The following SOX6 variants were observed in gnomAD, a reference collection of about 807,000 sequenced individuals.
SOX6 encodes transcription factor SOX-6.
In SOX6, 11 loss-of-function variants were observed where a neutral mutation model predicts 97.8. The ratio of observed to expected loss-of-function variants is 0.11; its 90% CI spans 0.07 to 0.19. The LOEUF (loss-of-function observed/expected upper bound fraction) is 0.19. Among genes scored for constraint, SOX6 ranks in the 10% least tolerant of loss-of-function variants. SOX6 has a pLI of 1.00. For missense variants in SOX6, 810 were observed against 1,039.5 expected, an observed-to-expected ratio of 0.78 and a Z score of 3.04; for synonymous variants, 360 against 371.4, an observed-to-expected ratio of 0.97 and a Z score of 0.35.
chr11:16,143,359 C>T (rs1850199685), intron 6 of SOX6, among the ~76,000 whole-genome samples: 2 of 152,158 alleles, frequency 1.3e-5, no homozygotes, highest in African/African-American at 2.4e-5. Context: ...AAGCACTAAA[C>T]ATGGAAAGGA....
intron 12 of SOX6, among the ~76,000 whole-genome samples, chr11:16,043,664 A>G (rs1021241351): frequency 2.6e-5 from 4 of 152,132 alleles, no homozygotes; most frequent in African/African-American, 9.7e-5. Context: ...ATATACAAAG[A>G]CTGTCTTGTA....
At chr11:16,501,131 A>T (rs544152123) in intron 4 of SOX6, among the ~76,000 whole-genome samples, 1 of 152,224 alleles carries the variant, frequency 6.6e-6, no homozygotes, top group Non-Finnish European at 1.5e-5. Context: ...AATGGAACAG[A>T]ACAGAGCTCT....
rs1851405229 is a variant in SOX6, at chr11:16,183,928, C to T, written c.735G>A (p.Leu245=). The change falls in exon 6 of 16, where the codon CTG becomes CTA. Residue 245 remains leucine (L), a synonymous_variant. Transcript: ENST00000683767. The stretch of plus-strand genomic sequence containing the variant: ...GGAGATTAATTTTGTGCTGCTGTTG[C>T]AGAAGTTGCTGCTGTTGTCTCGCAA... The part of the protein sequence containing the change: ...EQIARQQQQL[L]QQQHKINLLQ... The T allele has an allele frequency of 1.7e-5, 28 of 1,612,378 alleles. No individual in the cohort carries two copies. The highest frequency in any genetic ancestry group is 2.3e-5 in the Non-Finnish European group (27 of 1,178,834).
intron 9 of SOX6, among the ~76,000 whole-genome samples, chr11:16,071,035 A>G (rs1469097652): frequency 6.6e-6 from 1 of 152,254 alleles, no homozygotes; most frequent in African/African-American, 2.4e-5. Context: ...CCCTTACCAG[A>G]CAGGGCTCAG....
At chr11:16,321,387 A>G (rs1346331908) in intron 2 of SOX6, among the ~76,000 whole-genome samples, 3 of 152,084 alleles carry the variant, frequency 2.0e-5, no homozygotes, top group African/African-American at 7.2e-5. Context: ...TTTTCCCATC[A>G]CTGCCAAACT....
intron 4 of SOX6, among the ~76,000 whole-genome samples, chr11:16,547,882 C>T (rs931244581): frequency 6.6e-6 from 1 of 152,116 alleles, no homozygotes; most frequent in South Asian, 2.1e-4. Flanking sequence ...CAAAATATCA[C>T]ATGGTACCCC....
intron 3 of SOX6, among the ~76,000 whole-genome samples, chr11:16,661,033 C>T (rs1372661260): frequency 1.3e-5 from 2 of 152,184 alleles, no homozygotes; most frequent in Non-Finnish European, 2.9e-5. Context: ...CTGTCTTTTA[C>T]TGATAAATGT....
chr11:16,065,382 A>T (rs1037070303), intron 9 of SOX6, among the ~76,000 whole-genome samples: 2 of 152,144 alleles, frequency 1.3e-5, no homozygotes, highest in Non-Finnish European at 2.9e-5. Context: ...AAATGGAAAG[A>T]TATTTTGTGT....
intron 4 of SOX6, among the ~76,000 whole-genome samples, chr11:16,195,231 G>A (rs1214131719): frequency 2.6e-5 from 4 of 152,252 alleles, no homozygotes; most frequent in African/African-American, 4.8e-5. Context: ...TTTCACAGAT[G>A]AAAAACTAAG....
chr11:16,614,120 G>A (rs574165643), intron 3 of SOX6, among the ~76,000 whole-genome samples: 2 of 152,326 alleles, frequency 1.3e-5, no homozygotes, highest in African/African-American at 4.8e-5. Flanking sequence ...CTCCAAGTCA[G>A]GGGCTGCGGC....
chr11:16,152,427 A>G (rs1850483106), intron 6 of SOX6, among the ~76,000 whole-genome samples: 1 of 152,202 alleles, frequency 6.6e-6, no homozygotes, highest in Non-Finnish European at 1.5e-5. Flanking sequence ...ATATAAAGGT[A>G]TCCCAAAACA....
At chr11:16,727,932 T>C (rs1247958604) in intron 2 of SOX6, among the ~76,000 whole-genome samples, 1 of 152,192 alleles carries the variant, frequency 6.6e-6, no homozygotes, top group African/African-American at 2.4e-5. Context: ...ATTGGAATAT[T>C]GCTGCTTTAT....
At chr11:16,592,629 A>G (rs1471286506) in intron 4 of SOX6, among the ~76,000 whole-genome samples, 1 of 152,126 alleles carries the variant, frequency 6.6e-6, no homozygotes, top group Non-Finnish European at 1.5e-5. Context: ...TCTCAGATAT[A>G]AACTTGTTAA....
At chr11:16,404,575 T>A (rs549129010) in intron 1 of SOX6, among the ~76,000 whole-genome samples, 15 of 151,916 alleles carry the variant, frequency 9.9e-5, no homozygotes, top group African/African-American at 3.6e-4. Flanking sequence ...GAAAAATAAA[T>A]CACATTGTAT....
intron 12 of SOX6, among the ~76,000 whole-genome samples, chr11:16,034,916 G>A (rs1447122771): frequency 2.6e-5 from 4 of 152,056 alleles, no homozygotes; most frequent in Admixed American, 1.3e-4. Context: ...ATGCATAGTC[G>A]GATAGACAGA....
chr11:16,244,819 C>A (rs1211864534), intron 3 of SOX6, among the ~76,000 whole-genome samples: 1 of 151,372 alleles, frequency 6.6e-6, no homozygotes. Context: ...TTCTATTAAT[C>A]AATTCATTAT....
At chr11:16,170,845 G>A (rs574328876) in intron 6 of SOX6, among the ~76,000 whole-genome samples, 3 of 152,032 alleles carry the variant, frequency 2.0e-5, no homozygotes, top group African/African-American at 7.2e-5. Flanking sequence ...TATCATTTAT[G>A]TACAAATCAA....
At chr11:16,386,973 T>C (rs1028100491) in intron 1 of SOX6, among the ~76,000 whole-genome samples, 10 of 152,194 alleles carry the variant, frequency 6.6e-5, no homozygotes, top group Non-Finnish European at 1.3e-4. Context: ...ACTAAAATTA[T>C]ACAAAAGGTA....
chr11:16,642,965 G>A (rs111632444), intron 3 of SOX6, among the ~76,000 whole-genome samples: 25,292 of 152,146 alleles, frequency 0.17, 2,204 homozygotes, highest in Non-Finnish European at 0.18. Flanking sequence ...GAGGAGGTGC[G>A]TTCCTTTGGA....
Sources: gnomAD v4.1 joint callset for allele counts (sites outside exome capture counted in the v4.1 genomes callset) on GRCh38, gnomAD v4.1.1 for gene constraint, MANE v1.5 for transcripts, NCBI Gene and HGNC (gene_info 2026-07-23, HGNC 2026-07-21) for gene names.